Variants in DOCK10 observed in about 807,000 individuals in gnomAD.
The protein encoded by DOCK10 is dedicator of cytokinesis protein 10.
DOCK10 carries 145 observed loss-of-function variants against 280.1 expected under a neutral mutation model. The observed-to-expected ratio is 0.52, with a 90% CI of 0.45 to 0.59. DOCK10 has a LOEUF of 0.59. DOCK10 is among the 20% of genes least tolerant of loss of function. The probability of loss-of-function intolerance (pLI) is 0.00; values close to 1 mark genes in which losing one functional copy is unlikely to be tolerated. For synonymous variants in DOCK10, 915 were observed against 942.2 expected (o/e 0.97, Z 0.53); for missense variants, 2,368 against 2,651.7 (o/e 0.89, Z 2.35).
chr2:224,836,164 T>C (rs13384389), intron 25 of DOCK10, among the ~76,000 whole-genome samples: 45,205 of 152,064 alleles, frequency 0.3, 7,963 homozygotes, highest in African/African-American at 0.49. Flanking sequence ...TTTTTTTCTC[T>C]TTCTCAGTCC....
chr2:224,915,035 T>C (rs1191303924), intron 3 of DOCK10, among the ~76,000 whole-genome samples: 4 of 152,196 alleles, frequency 2.6e-5, no homozygotes, highest in Non-Finnish European at 5.9e-5. Context: ...GACAAAGTTA[T>C]AAGGACCTTA....
chr2:225,035,542 T>TA lies in DOCK10; in HGVS notation c.123+6709_123+6710insT, dbSNP rs1415059109. Among the ~76,000 whole-genome samples, 173 of 50,006 alleles carry TA rather than the reference T, an allele frequency of 3.5e-3. 2 individuals carry two copies. The highest frequency in any genetic ancestry group is 4.6e-3 in the Non-Finnish European group (118 of 25,900). The allele number at this position is 50,006 out of a possible 152,430, so 32.8% of individuals were successfully genotyped here. ...TAGATCTTATATGATATGATATATATTATATATATATATATATATATATAT... is the reference window on the plus strand; with the variant it reads ...TAGATCTTATATGATATGATATATATATATATATATATATATATATATATAT... On this transcript the variant is annotated intron_variant, in intron 1 of 55. Coordinates refer to ENST00000258390, the MANE Select transcript of DOCK10 (RefSeq NM_014689.3).
chr2:224,967,529 A>G (rs897637240), intron 1 of DOCK10, among the ~76,000 whole-genome samples: 2 of 152,196 alleles, frequency 1.3e-5, no homozygotes, highest in Non-Finnish European at 2.9e-5. Flanking sequence ...AGGTTTCTGA[A>G]GTTGCCACTT....
At chr2:224,881,384 TTTG>T (rs1187088386) in intron 7 of DOCK10, among the ~76,000 whole-genome samples, 3 of 152,218 alleles carry the variant, frequency 2.0e-5, no homozygotes, top group African/African-American at 7.2e-5. Flanking sequence ...TATACTAGTA[TTTG>T]CTGAAATGAA....
rs1691733506 is a variant in DOCK10 at position 224,786,387 on chromosome 2, A to T, written c.5655+635T>A. Among the ~76,000 whole-genome samples the T allele has an allele frequency of 6.6e-6, 1 of 152,254 alleles. No individual in the cohort carries two copies. The highest frequency in any genetic ancestry group is 2.4e-5 in the African/African-American group (1 of 41,468). On this transcript the variant is annotated intron_variant, in intron 50 of 55. Transcript: ENST00000258390. The surrounding 1 kb of genome is among the most constrained non-coding windows in gnomAD (Gnocchi z 4.7). ...AGCCCATTGAAAATGTTGCTCAGAGACATTCATAATTAATATATAGTATGT... is the reference window on the plus strand; with the variant it reads ...AGCCCATTGAAAATGTTGCTCAGAGTCATTCATAATTAATATATAGTATGT...
At chr2:224,830,872 C>G (rs1396862969) in intron 26 of DOCK10, among the ~76,000 whole-genome samples, 1 of 151,646 alleles carries the variant, frequency 6.6e-6, no homozygotes, top group Non-Finnish European at 1.5e-5. Flanking sequence ...AATATTTATT[C>G]AAGGGATGTT....
rs1387205534 is a variant in DOCK10, at chr2:224,837,797, C to T, written c.2815G>A (p.Glu939Lys). The T allele has an allele frequency of 5.0e-6, 8 of 1,613,824 alleles. No individual in the cohort carries two copies. In the South Asian group the frequency reaches 5.5e-5, roughly 11 times the overall value. ...GACTGGACAGAATGATCCAGCTGCT[C>T]CTCATGGCACTTGGCCACAATGTCG... ...LTDIVAKCHEEQLDHSVQSYI... is the reference protein window; with the variant it reads ...LTDIVAKCHEKQLDHSVQSYI... Residue 939 changes from glutamate (E) to lysine (K), a missense_variant, in exon 25 of 56, where the codon GAG becomes AAG. Glu to Lys is a moderately conservative substitution (Grantham distance 56, BLOSUM62 1). Around this residue, in one of 2 missense-constraint regions of DOCK10, gnomAD observed 1,209 missense variants for 1,250.9 expected, o/e 0.97. Coordinates refer to ENST00000258390, the MANE Select transcript of DOCK10 (RefSeq NM_014689.3).
At chr2:224,788,101 A>AC (rs1199886268) in intron 48 of DOCK10, among the ~76,000 whole-genome samples, 1 of 152,164 alleles carries the variant, frequency 6.6e-6, no homozygotes, top group Non-Finnish European at 1.5e-5. Flanking sequence ...GTAAAAAAAA[A>AC]AGTTCCCCTT....
At chr2:224,921,963 A>G (rs1026376068) in intron 2 of DOCK10, among the ~76,000 whole-genome samples, 10 of 151,972 alleles carry the variant, frequency 6.6e-5, no homozygotes, top group South Asian at 2.1e-4. Flanking sequence ...ATAAAATAAA[A>G]TAAAAATTAG....
In DOCK10 at chr2:224,886,548, A is replaced by G. The variant is rs759661905; in HGVS notation, c.417-17T>C. 6 of 1,587,654 alleles carry G rather than the reference A, an allele frequency of 3.8e-6. No homozygotes were observed. Among genetic ancestry groups the G allele is most frequent in the Non-Finnish European group, 5.1e-6 (6 of 1,172,056 alleles). ...TATTCTGCTCTGATATTAAAAAAAA[A>G]AAAAGATTCTGATTTGTCATTGGAG... On this transcript the variant is annotated splice_polypyrimidine_tract_variant and intron_variant, in intron 4 of 55. Coordinates refer to ENST00000258390, the MANE Select transcript of DOCK10 (RefSeq NM_014689.3).
chr2:224,807,534 G>A (rs1693473441), intron 33 of DOCK10, 134 bp downstream of exon 33: 6 of 624,224 alleles, frequency 9.6e-6, no homozygotes, highest in Non-Finnish European at 1.7e-5. Context: ...ATTGATGTGA[G>A]TACATAGCAG....
chr2:224,936,714 T>C (rs1702714349), intron 1 of DOCK10, among the ~76,000 whole-genome samples: 1 of 152,146 alleles, frequency 6.6e-6, no homozygotes, highest in Admixed American at 6.6e-5. Flanking sequence ...ATTAGAGATA[T>C]GGGTCCTAAT....
intron 26 of DOCK10, among the ~76,000 whole-genome samples, chr2:224,831,385 G>A (rs73993911): frequency 2.0e-5 from 3 of 152,290 alleles, no homozygotes; most frequent in African/African-American, 4.8e-5. Context: ...CTCCTACCTC[G>A]AGAAACAAAA....
intron 3 of DOCK10, among the ~76,000 whole-genome samples, chr2:224,905,506 C>A (rs989736886): frequency 6.6e-6 from 1 of 151,980 alleles, no homozygotes; most frequent in Non-Finnish European, 1.5e-5. Context: ...GCCTCGGCCT[C>A]CCAAAGTGCT....
chr2:224,861,321 G>T (rs2125604768), intron 14 of DOCK10: 1 of 152,300 alleles, frequency 6.6e-6, no homozygotes, highest in African/African-American at 2.4e-5. Flanking sequence ...CATAACACAG[G>T]TATTGTCAGC....
intron 25 of DOCK10, 143 bp from the exon 26 acceptor site, chr2:224,834,406 G>T: frequency 1.6e-6 from 1 of 629,976 alleles, no homozygotes. Flanking sequence ...CCAATGATAA[G>T]AGCAGTACAC....
chr2:225,041,752 G>A (rs1439768925), intron 1 of DOCK10, among the ~76,000 whole-genome samples: 2 of 151,994 alleles, frequency 1.3e-5, no homozygotes, highest in Admixed American at 6.6e-5. Flanking sequence ...AGTTAACGTC[G>A]GGGGGCCCCA....
Position 224,975,181 on chromosome 2 carries a change from G to A in DOCK10, c.124-43513C>T, listed in dbSNP as rs76655051. Among the ~76,000 whole-genome samples the A allele has an allele frequency of 2.0e-3, 300 of 152,136 alleles. 2 individuals carry two copies. The East Asian group carries it at 0.045, about 23-fold the overall frequency. On this transcript the variant is annotated intron_variant, in intron 1 of 55. Transcript: ENST00000258390. ...TTGGAGTTTAGTAAGCCTTTACCTC[G>A]AAGATTTATGTTGCTAATTACTAAG...
rs1198702923 is a variant in DOCK10, at chr2:224,958,757, CTT to C, written c.124-27091_124-27090del. On this transcript the variant is annotated intron_variant, in intron 1 of 55. Transcript: ENST00000258390. Reference sequence around the variant, plus strand: ...TTCCCAGAGCAATAAACAGTATCCTCTTTATGTTTCAACGGTGCGGGATCTCC... The same window carrying C: ...TTCCCAGAGCAATAAACAGTATCCTCTATGTTTCAACGGTGCGGGATCTCC... Among the ~76,000 whole-genome samples, 3 of 152,134 alleles carry C rather than the reference CTT, an allele frequency of 2.0e-5. No homozygotes were observed. The East Asian group carries it at 5.8e-4, about 29-fold the overall frequency.
Sources: gnomAD v4.1 joint callset for allele counts (sites outside exome capture counted in the v4.1 genomes callset) on GRCh38, gnomAD v4.1.1 for gene constraint, gnomAD v4.1.1 regional missense constraint, Gnocchi (gnomAD v3.1) non-coding constraint, MANE v1.5 for transcripts, NCBI Gene and HGNC (gene_info 2026-07-23, HGNC 2026-07-21) for gene names.